Variants in MLXIP observed in about 807,000 individuals in gnomAD.
MLXIP encodes the protein MLX-interacting protein.
MLXIP carries 30 observed loss-of-function variants against 87.2 expected under a neutral mutation model. That is an observed-to-expected ratio of 0.34 (90% confidence interval 0.26 to 0.47). The LOEUF (loss-of-function observed/expected upper bound fraction) is 0.47. Ranked by LOEUF, MLXIP falls within the 20% of genes least tolerant of loss-of-function variation. MLXIP has a pLI of 1.00. For missense variants in MLXIP, 1,002 were observed against 1,240.1 expected (o/e 0.81, Z 2.88); for synonymous variants, 530 against 514.0 (o/e 1.03, Z -0.42).
intron 1 of MLXIP, among the ~76,000 whole-genome samples, chr12:122,094,680 GAT>G (rs1952320317): frequency 6.9e-6 from 1 of 144,506 alleles, no homozygotes; most frequent in Non-Finnish European, 1.5e-5. Context: ...GTGTGTGTGC[GAT>G]GTCTGTTGTG....
Position 122,141,884 on chromosome 12 carries a change from C to T in MLXIP, c.*72C>T. On this transcript the variant is annotated 3_prime_UTR_variant, in exon 17 of 17. Transcript: ENST00000319080. ...CTGCCCATGGAGAGTAGGCTGCGCC[C>T]CCCAGCCCTTCCTGACGCTCAGCCT... 1 of 1,579,738 alleles carries T rather than the reference C, an allele frequency of 6.3e-7. No individual in the cohort carries two copies. Among genetic ancestry groups the T allele is most frequent in the Non-Finnish European group, 8.6e-7 (1 of 1,163,692 alleles).
At chr12:122,085,635 T>TTTTTG (rs1415466463) in intron 1 of MLXIP, among the ~76,000 whole-genome samples, 3 of 152,122 alleles carry the variant, frequency 2.0e-5, no homozygotes, top group African/African-American at 7.2e-5. Flanking sequence ...TGTTTGTTTG[T>TTTTTG]TTTTCTTTTC....
rs1247088457 is a variant in MLXIP at position 122,133,431 on chromosome 12, T to C, written c.1176T>C (p.Ala392=). The change falls in exon 9 of 17, where the codon GCT becomes GCC. Residue 392 remains alanine (A), a synonymous_variant. Coordinates refer to ENST00000319080, the MANE Select transcript of MLXIP (RefSeq NM_014938.6). This position sits in a 1 kb window ranked among gnomAD's most constrained non-coding sequence, Gnocchi z 4.9. ...LIAPPTAPSL[A]HMDEQGCEHT... ...CGCCCCCTACCGCCCCATCCCTGGC[T>C]CACATGGATGAGCAGGGCTGTGAAC... 6.2e-7 allele frequency: 1 copy of C among 1,612,414 alleles called. No homozygotes were observed. Among genetic ancestry groups the C allele is most frequent in the Admixed American group, 1.7e-5 (1 of 59,966 alleles).
At chr12:122,087,402 G>C (rs1399362653) in intron 1 of MLXIP, among the ~76,000 whole-genome samples, 2 of 152,096 alleles carry the variant, frequency 1.3e-5, no homozygotes, top group Non-Finnish European at 2.9e-5. Flanking sequence ...GGCTGGGGAG[G>C]GTGGGTGGCT....
At chr12:122,113,629 G>C (rs1321250533) in intron 1 of MLXIP, among the ~76,000 whole-genome samples, 5 of 149,418 alleles carry the variant, frequency 3.3e-5, no homozygotes, top group Non-Finnish European at 7.4e-5. Flanking sequence ...GTATTGCCAA[G>C]ACTTAAGGGC....
rs894090944 is a variant in MLXIP, at chr12:122,144,096, G to C, written c.*2284G>C. ...GAATCTTGCCTGATGAATCCAGCCAGACCAAGGGGCCTAGATTTGACCTCT... is the reference window on the plus strand; with the variant it reads ...GAATCTTGCCTGATGAATCCAGCCACACCAAGGGGCCTAGATTTGACCTCT... On this transcript the variant is annotated 3_prime_UTR_variant, in exon 17 of 17. Coordinates refer to ENST00000319080, the MANE Select transcript of MLXIP (RefSeq NM_014938.6). 1 of 152,678 alleles carries C rather than the reference G, an allele frequency of 6.5e-6. No individual in the cohort carries two copies. The highest frequency in any genetic ancestry group is 1.5e-5 in the Non-Finnish European group (1 of 68,074). The allele number at this position is 152,678 out of a possible 1,614,324, so 9.5% of individuals were successfully genotyped here.
At chr12:122,128,178 C>A (rs1952912803) in intron 3 of MLXIP, 1 of 554,386 alleles carries the variant, frequency 1.8e-6, no homozygotes, top group East Asian at 3.1e-5. Context: ...GAGGGACTGG[C>A]CCAGGGACTG....
chr12:122,082,479 G>A (rs1459631484), intron 1 of MLXIP, among the ~76,000 whole-genome samples: 2 of 152,218 alleles, frequency 1.3e-5, no homozygotes, highest in Non-Finnish European at 2.9e-5. Context: ...TCTGGGAATG[G>A]AGCTGGGAAT....
Position 122,133,624 on chromosome 12 carries a change from G to A in MLXIP, c.1369G>A (p.Ala457Thr). 6.2e-7 allele frequency: 1 copy of A among 1,607,494 alleles called. No individual in the cohort carries two copies. ...CGTGTTACCATTAGTTCCTCCTCCTGCCACTGCCCTGAACCCCCCGGCTCC... is the reference window on the plus strand; with the variant it reads ...CGTGTTACCATTAGTTCCTCCTCCTACCACTGCCCTGAACCCCCCGGCTCC... ...SPVLPLVPPP[A>T]TALNPPAPPT... Residue 457 changes from alanine to threonine, a missense_variant, in exon 9 of 17, where the codon GCC becomes ACC. This residue lies in a region of MLXIP where 746 missense variants were observed against 897.0 expected (regional missense o/e 0.83). Transcript: ENST00000319080. The surrounding 1 kb of genome is among the most constrained non-coding windows in gnomAD (Gnocchi z 4.9).
intron 1 of MLXIP, among the ~76,000 whole-genome samples, chr12:122,089,570 T>C (rs1952216451): frequency 6.6e-6 from 1 of 152,198 alleles, no homozygotes; most frequent in Non-Finnish European, 1.5e-5. Flanking sequence ...CAACTTTCTG[T>C]AAGTGTAATT....
rs746970856 is a variant in MLXIP at position 122,135,445 on chromosome 12, GTA to G, written c.1855-40_1855-39del. On this transcript the variant is annotated intron_variant, in intron 10 of 16. Transcript: ENST00000319080. This position sits in a 1 kb window ranked among gnomAD's most constrained non-coding sequence, Gnocchi z 5.3. ...GAGACGACTGGTGTGCCGCCCTGCTGTATATCAGCAGTCAGGGGTGACCTGTC... is the reference window on the plus strand; with the variant it reads ...GAGACGACTGGTGTGCCGCCCTGCTGTATCAGCAGTCAGGGGTGACCTGTC... 11 of 1,608,348 alleles carry G rather than the reference GTA, an allele frequency of 6.8e-6. No homozygotes were observed. Among genetic ancestry groups the G allele is most frequent in the Non-Finnish European group, 9.3e-6 (11 of 1,177,564 alleles).
chr12:122,123,583 C>T (rs1239426076), intron 1 of MLXIP, among the ~76,000 whole-genome samples: 2 of 152,200 alleles, frequency 1.3e-5, no homozygotes, highest in African/African-American at 4.8e-5. Flanking sequence ...GCTAAATTTC[C>T]CTGCGTCTTG....
chr12:122,108,526 A>G (rs1257865574), intron 1 of MLXIP, among the ~76,000 whole-genome samples: 2 of 152,066 alleles, frequency 1.3e-5, no homozygotes, highest in African/African-American at 2.4e-5. Flanking sequence ...CAAAAAATCA[A>G]CATAAATGGT....
chr12:122,101,123 A>C (rs987728037), intron 1 of MLXIP, among the ~76,000 whole-genome samples: 3 of 152,232 alleles, frequency 2.0e-5, no homozygotes, highest in African/African-American at 7.2e-5. Context: ...ACTGAATTTT[A>C]CTTTTTGCCA....
At position 122,135,101 on chromosome 12, in the gene MLXIP, C is replaced by T. The variant is rs546456525; in HGVS notation, c.1733-123C>T. 2.4e-6 allele frequency: 3 copies of T among 1,266,702 alleles called. No homozygotes were observed. The highest frequency in any genetic ancestry group is 1.3e-5 in the South Asian group (1 of 77,826). 78.5% of individuals were successfully genotyped at this position (1,266,702 alleles called of 1,614,324 possible). ...CAAATGGTTTTAGGTGCCTTGGTGG[C>T]TTTGTCTTCCTGTCCCCTGGGGTTG... is the stretch of plus-strand genomic sequence containing the variant. On this transcript the variant is annotated intron_variant, in intron 9 of 16. Coordinates refer to ENST00000319080, the MANE Select transcript of MLXIP (RefSeq NM_014938.6). The surrounding 1 kb of genome is among the most constrained non-coding windows in gnomAD (Gnocchi z 5.3).
At chr12:122,079,394 AG>A (rs1230942262) in intron 1 of MLXIP, 128 bp downstream of exon 1, 1 of 840,352 alleles carries the variant, frequency 1.2e-6, no homozygotes, top group Admixed American at 2.6e-5. Context: ...CTCCTTCGGG[AG>A]GGTTTATGGA....
At position 122,078,966 on chromosome 12, in the gene MLXIP, C is replaced by T; in HGVS notation, c.113C>T (p.Pro38Leu). Residue 38 changes from proline (P) to leucine (L), a missense_variant, in exon 1 of 17, where the codon CCG becomes CTG. Physicochemically the swap from Pro to Leu is moderately conservative, Grantham distance 98. Transcript: ENST00000319080. ...GACGACGACTCGGACACGGATGAGC[C>T]GTCCCCGCCGCCCGCCTCCGGCGCG... is the stretch of plus-strand genomic sequence containing the variant. Reference protein sequence around the residue: ...EDDDDSDTDEPSPPPASGAAT... With the variant: ...EDDDDSDTDELSPPPASGAAT... 9.2e-7 allele frequency: 1 copy of T among 1,092,532 alleles called. No individual in the cohort carries two copies. The highest frequency in any genetic ancestry group is 1.1e-6 in the Non-Finnish European group (1 of 894,652). 67.7% of individuals were successfully genotyped at this position (1,092,532 alleles called of 1,614,324 possible).
At chr12:122,129,781 C>T (rs1952942369) in intron 5 of MLXIP, 152 bp downstream of exon 5, 1 of 1,286,728 alleles carries the variant, frequency 7.8e-7, no homozygotes. Flanking sequence ...GCTCTCTCTC[C>T]TGGGTGGGCT....
chr12:122,089,140 A>G (rs1320599077), intron 1 of MLXIP, among the ~76,000 whole-genome samples: 1 of 151,930 alleles, frequency 6.6e-6, no homozygotes, highest in Non-Finnish European at 1.5e-5. Flanking sequence ...TAATCATACC[A>G]CTGCACTCCA....
Sources: gnomAD v4.1 joint callset for allele counts (sites outside exome capture counted in the v4.1 genomes callset) on GRCh38, gnomAD v4.1.1 for gene constraint, gnomAD v4.1.1 regional missense constraint, Gnocchi (gnomAD v3.1) non-coding constraint, MANE v1.5 for transcripts, NCBI Gene and HGNC (gene_info 2026-07-23, HGNC 2026-07-21) for gene names.